KLF9: variants seen among roughly 807,000 people sequenced by gnomAD.
The protein encoded by KLF9 is Krueppel-like factor 9.
In KLF9, 2 loss-of-function variants were observed where a neutral mutation model predicts 17.3. The observed-to-expected ratio is 0.12, with a 90% CI of 0.05 to 0.36. The LOEUF (loss-of-function observed/expected upper bound fraction) is 0.36, where lower values mean the gene tolerates loss of function less well. Among genes scored for constraint, KLF9 ranks in the 10% least tolerant of loss-of-function variants. KLF9 has a pLI of 1.00. For missense variants in KLF9, 226 were observed against 333.2 expected (o/e 0.68, Z 2.51); for synonymous variants, 138 against 139.2 (o/e 0.99, Z 0.06).
chr9:70,396,535 T>C (rs781622331), intron 1 of KLF9, among the ~76,000 whole-genome samples: 2 of 152,180 alleles, frequency 1.3e-5, no homozygotes, highest in Non-Finnish European at 2.9e-5. Flanking sequence ...ATGCCTGTAA[T>C]CCTAACACTT....
At chr9:70,412,717 A>G in intron 1 of KLF9, 142 bp downstream of exon 1, 3 of 822,490 alleles carry the variant, frequency 3.6e-6, no homozygotes, top group Non-Finnish European at 5.7e-6. Flanking sequence ...GCACATTTAA[A>G]TTATTTAAAG....
At chr9:70,404,259 G>A (rs2037242090) in intron 1 of KLF9, among the ~76,000 whole-genome samples, 1 of 152,174 alleles carries the variant, frequency 6.6e-6, no homozygotes, top group Non-Finnish European at 1.5e-5. Context: ...CCTGGTACCA[G>A]CATTTTACAC....
intron 1 of KLF9, among the ~76,000 whole-genome samples, chr9:70,393,546 C>T (rs886917334): frequency 6.6e-6 from 1 of 152,196 alleles, no homozygotes; most frequent in African/African-American, 2.4e-5. Context: ...TTCTTCTCAT[C>T]TTCCCTGCCC....
chr9:70,396,518 G>T (rs903416422), intron 1 of KLF9, among the ~76,000 whole-genome samples: 3 of 152,164 alleles, frequency 2.0e-5, no homozygotes, highest in African/African-American at 7.2e-5. Flanking sequence ...GCTGGCTGAG[G>T]TGGTTCATGC....
intron 1 of KLF9, among the ~76,000 whole-genome samples, chr9:70,396,772 T>C (rs1248206989): frequency 1.3e-5 from 2 of 152,250 alleles, no homozygotes; most frequent in Admixed American, 6.5e-5. Context: ...ACAGTGAGTA[T>C]AAATTTCTTT....
chr9:70,405,324 C>A (rs1359908237), intron 1 of KLF9, among the ~76,000 whole-genome samples: 1 of 152,236 alleles, frequency 6.6e-6, no homozygotes, highest in African/African-American at 2.4e-5. Context: ...ACACCACTGA[C>A]TGCATTTCAA....
Position 70,413,485 on chromosome 9 carries a change from A to AGGGGGC in KLF9, c.-128_-123dup, listed in dbSNP as rs2037345653. 3 of 1,096,762 alleles carry AGGGGGC rather than the reference A, an allele frequency of 2.7e-6. No individual in the cohort carries two copies. The highest frequency in any genetic ancestry group is 8.8e-5 in the South Asian group (2 of 22,718). 67.9% of individuals were successfully genotyped at this position (1,096,762 alleles called of 1,614,324 possible). A position where few individuals can be genotyped will look rare whatever the true frequency, so the allele number is the denominator to read the frequency against. On this transcript the variant is annotated 5_prime_UTR_variant, in exon 1 of 2. Transcript: ENST00000377126. The surrounding 1 kb of genome is among the most constrained non-coding windows in gnomAD (Gnocchi z 5.6). ...GCGGCGCGGCACGGCGCGGCGGCCA[A>AGGGGGC]GGGGGCGGGGGCGCGGGGCGCTTCC...
In KLF9 at chr9:70,386,826, G is replaced by A. The variant is rs1485520499; in HGVS notation, c.*950C>T. 1 of 152,404 alleles carries A rather than the reference G, an allele frequency of 6.6e-6. No homozygotes were observed. Among genetic ancestry groups the A allele is most frequent in the East Asian group, 1.9e-4 (1 of 5,194 alleles). 9.4% of individuals were successfully genotyped at this position (152,404 alleles called of 1,614,324 possible). On this transcript the variant is annotated 3_prime_UTR_variant, in exon 2 of 2. Coordinates refer to ENST00000377126, the MANE Select transcript of KLF9 (RefSeq NM_001206.4). The stretch of plus-strand genomic sequence containing the variant: ...CTACCCTCCTTCTCCTTCAGCATCT[G>A]TTGTGTATATTCTGCCCTCACATCT...
In KLF9 at chr9:70,385,254, C is replaced by T. The variant is rs1286214690; in HGVS notation, c.*2522G>A. The stretch of plus-strand genomic sequence containing the variant: ...TCTAGTAGTCCTATTTGAACCATAT[C>T]TTGATATAGTAAATCTAATTAGAAT... On this transcript the variant is annotated 3_prime_UTR_variant, in exon 2 of 2. Transcript: ENST00000377126. 1.3e-5 allele frequency: 2 copies of T among 152,554 alleles called. No individual in the cohort carries two copies. The highest frequency in any genetic ancestry group is 2.9e-5 in the Non-Finnish European group (2 of 68,028). The allele number at this position is 152,554 out of a possible 1,614,324, so 9.5% of individuals were successfully genotyped here. A position where few individuals can be genotyped will look rare whatever the true frequency, so the allele number is the denominator to read the frequency against.
At chr9:70,411,681 T>A (rs2037314520) in intron 1 of KLF9, among the ~76,000 whole-genome samples, 1 of 152,166 alleles carries the variant, frequency 6.6e-6, no homozygotes, top group South Asian at 2.1e-4. Context: ...TTTTTTTCCA[T>A]GTATCATTTT....
intron 1 of KLF9, among the ~76,000 whole-genome samples, chr9:70,390,310 A>G (rs2037144965): frequency 6.6e-6 from 1 of 152,140 alleles, no homozygotes; most frequent in African/African-American, 2.4e-5. Flanking sequence ...GCAATAGCAA[A>G]CCAATGAATG....
At chr9:70,403,362 G>C (rs989739064) in intron 1 of KLF9, among the ~76,000 whole-genome samples, 1 of 152,130 alleles carries the variant, frequency 6.6e-6, no homozygotes, top group Non-Finnish European at 1.5e-5. Flanking sequence ...TGACCCAGTC[G>C]TGCCACAGTG....
chr9:70,410,133 G>C (rs554861986), intron 1 of KLF9, among the ~76,000 whole-genome samples: 1 of 152,278 alleles, frequency 6.6e-6, no homozygotes, highest in African/African-American at 2.4e-5. Context: ...AAAATACGAG[G>C]TACTGCCCCA....
chr9:70,408,969 G>A (rs940993972), intron 1 of KLF9, among the ~76,000 whole-genome samples: 2 of 139,926 alleles, frequency 1.4e-5, no homozygotes, highest in African/African-American at 2.6e-5. Flanking sequence ...TTTTTTATGT[G>A]AGCCTCCTTT....
intron 1 of KLF9, among the ~76,000 whole-genome samples, chr9:70,404,940 C>A (rs563911099): frequency 6.6e-6 from 1 of 152,170 alleles, no homozygotes; most frequent in Non-Finnish European, 1.5e-5. Context: ...TGTGCTCTGA[C>A]GACTCTATCT....
chr9:70,413,191 C>T lies in KLF9; in HGVS notation c.173G>A (p.Cys58Tyr), dbSNP rs1486431218. The change falls in exon 1 of 2, where the codon TGC becomes TAC. Residue 58 changes from cysteine (C) to tyrosine (Y), a missense_variant. By Grantham distance (194) the Cys-to-Tyr change is radical (BLOSUM62 -2). Coordinates refer to ENST00000377126, the MANE Select transcript of KLF9 (RefSeq NM_001206.4). The surrounding 1 kb of genome is among the most constrained non-coding windows in gnomAD (Gnocchi z 5.6). ...GDPGDTWKDY[C>Y]TLVTIAKSLL... ...GCTCTTGGCGATGGTGACCAGTGTG[C>T]AGTAATCCTTCCAGGTGTCCCCCGG... 3 of 1,614,164 alleles carry T rather than the reference C, an allele frequency of 1.9e-6. No homozygotes were observed. Among genetic ancestry groups the T allele is most frequent in the Non-Finnish European group, 2.5e-6 (3 of 1,180,040 alleles).
chr9:70,406,144 G>C (rs930188893), intron 1 of KLF9, among the ~76,000 whole-genome samples: 2 of 152,176 alleles, frequency 1.3e-5, no homozygotes, highest in Non-Finnish European at 2.9e-5. Flanking sequence ...TCAAATGAAA[G>C]TACTGCAAAG....
In KLF9 at chr9:70,392,301, C is replaced by G. The variant is rs115003134; in HGVS notation, c.506-4296G>C. Among the ~76,000 whole-genome samples the G allele has an allele frequency of 2.6e-3, 393 of 152,276 alleles. 1 individual carries two copies. Among genetic ancestry groups the G allele is most frequent in the African/African-American group, 9.1e-3 (377 of 41,562 alleles). On this transcript the variant is annotated intron_variant, in intron 1 of 1. Coordinates refer to ENST00000377126, the MANE Select transcript of KLF9 (RefSeq NM_001206.4). ...GGGACAGGGTGGGAGCAGGTGCATT[C>G]AATCATGGATCATAATGGATTCCAT... is the stretch of plus-strand genomic sequence containing the variant.
At chr9:70,412,176 G>A (rs2037320372) in intron 1 of KLF9, among the ~76,000 whole-genome samples, 1 of 91,454 alleles carries the variant, frequency 1.1e-5, no homozygotes, top group African/African-American at 4.4e-5. Flanking sequence ...TGCGACCTAA[G>A]TCACATGGCC....
Sources: allele counts gnomAD v4.1 joint callset (sites outside exome capture counted in the v4.1 genomes callset), GRCh38; gene constraint gnomAD v4.1.1; non-coding constraint Gnocchi (gnomAD v3.1); transcripts MANE v1.5; gene names NCBI Gene and HGNC (gene_info 2026-07-23, HGNC 2026-07-21).